Variants in HSD17B12 observed in about 807,000 individuals in gnomAD.
HSD17B12 encodes hydroxysteroid 17-beta dehydrogenase 12, also known as very-long-chain 3-oxoacyl-CoA reductase.
In HSD17B12, 32 loss-of-function variants were observed where a neutral mutation model predicts 39.3. The ratio of observed to expected loss-of-function variants is 0.81; its 90% CI spans 0.61 to 1.09. The LOEUF (loss-of-function observed/expected upper bound fraction) is 1.09. Among genes scored for constraint, HSD17B12 ranks in the 50% least tolerant of loss-of-function variants. The probability of loss-of-function intolerance (pLI) is 0.00; values close to 1 mark genes in which losing one functional copy is unlikely to be tolerated. For missense variants in HSD17B12, 342 were observed against 382.9 expected, an observed-to-expected ratio of 0.89 and a Z score of 0.89; for synonymous variants, 150 against 146.7, an observed-to-expected ratio of 1.02 and a Z score of -0.16.
intron 9 of HSD17B12, among the ~76,000 whole-genome samples, chr11:43,842,862 CT>C (rs1004617950): frequency 2.0e-5 from 3 of 152,188 alleles, no homozygotes; most frequent in African/African-American, 7.2e-5. Flanking sequence ...AGCATTAGGC[CT>C]TGTGAACAGA....
chr11:43,606,003 G>A, the HSD17B12 span, among the ~76,000 whole-genome samples: 1 of 152,174 alleles, frequency 6.6e-6, no homozygotes, highest in African/African-American at 2.4e-5. Flanking sequence ...GCAACACAGA[G>A]CAAAGAACTC....
intron 3 of HSD17B12, among the ~76,000 whole-genome samples, chr11:43,766,790 G>A (rs1279694530): frequency 6.6e-6 from 1 of 152,146 alleles, no homozygotes; most frequent in Non-Finnish European, 1.5e-5. Flanking sequence ...TTTAGCTTAT[G>A]GTCCAATTTT....
the HSD17B12 span, among the ~76,000 whole-genome samples, chr11:43,594,165 A>T: frequency 1.1e-4 from 17 of 152,330 alleles, no homozygotes; most frequent in South Asian, 2.1e-4. Context: ...ACTTTTTAAA[A>T]TCTTAATTAC....
At chr11:43,811,872 C>T (rs1045598642) in intron 4 of HSD17B12, among the ~76,000 whole-genome samples, 7 of 152,048 alleles carry the variant, frequency 4.6e-5, no homozygotes, top group Admixed American at 1.3e-4. Flanking sequence ...CCTCACCCAC[C>T]CACACACACC....
Position 43,840,756 on chromosome 11 carries a change from T to G in HSD17B12, c.684+692T>G, listed in dbSNP as rs1464477320. Among the ~76,000 whole-genome samples the G allele has an allele frequency of 3.9e-5, 6 of 152,238 alleles. No homozygotes were observed. The East Asian group carries it at 1.2e-3, about 29-fold the overall frequency. On this transcript the variant is annotated intron_variant, in intron 9 of 10. Transcript: ENST00000278353. ...ATGCCATTGTATATAGACCACATTTTGCTTATCCATTTACATGTTAGTGGG... is the reference window on the plus strand; with the variant it reads ...ATGCCATTGTATATAGACCACATTTGGCTTATCCATTTACATGTTAGTGGG...
the HSD17B12 span, among the ~76,000 whole-genome samples, chr11:43,624,020 A>G: frequency 6.6e-6 from 1 of 151,944 alleles, no homozygotes; most frequent in Non-Finnish European, 1.5e-5. Flanking sequence ...TGCAAATTGA[A>G]CTGAAGAGTT....
the HSD17B12 span, among the ~76,000 whole-genome samples, chr11:43,621,194 T>C: frequency 6.6e-6 from 1 of 152,182 alleles, no homozygotes; most frequent in African/African-American, 2.4e-5. Context: ...TGACATGCTT[T>C]TTCCTAGTTC....
chr11:43,771,840 C>A (rs190501824), intron 3 of HSD17B12, among the ~76,000 whole-genome samples: 19 of 152,066 alleles, frequency 1.2e-4, no homozygotes, highest in African/African-American at 4.6e-4. Flanking sequence ...ACTGAGATAC[C>A]GAGTACATTT....
intron 1 of HSD17B12, among the ~76,000 whole-genome samples, chr11:43,744,427 G>A (rs1007612179): frequency 5.9e-5 from 9 of 152,172 alleles, no homozygotes; most frequent in African/African-American, 2.2e-4. Flanking sequence ...TGATACTTGC[G>A]TTAGAAGACA....
chr11:43,735,869 GGAGA>G (rs1244541470), intron 1 of HSD17B12, among the ~76,000 whole-genome samples: 1 of 152,148 alleles, frequency 6.6e-6, no homozygotes, highest in Non-Finnish European at 1.5e-5. Flanking sequence ...CCTGGTGGCA[GGAGA>G]GAGAGATCGA....
In HSD17B12 at chr11:43,854,833, G is replaced by A. The variant is rs778345164; in HGVS notation, c.803G>A (p.Arg268Gln). 5.1e-5 allele frequency: 83 copies of A among 1,613,998 alleles called. No individual in the cohort carries two copies. Among genetic ancestry groups the A allele is most frequent in the Non-Finnish European group, 6.8e-5 (80 of 1,180,002 alleles). Residue 268 changes from arginine (R) to glutamine (Q), a missense_variant, in exon 10 of 11, where the codon CGA (arginine) becomes CAA (glutamine). Coordinates refer to ENST00000278353, the MANE Select transcript of HSD17B12 (RefSeq NM_016142.3). ...ATTAAAACAGTCGGCCTGCAATCCC[G>A]AACCAATGGATACCTGATCCATGCT... is the stretch of plus-strand genomic sequence containing the variant. Reference protein sequence around the residue: ...SAIKTVGLQSRTNGYLIHALM... With the variant: ...SAIKTVGLQSQTNGYLIHALM...
the HSD17B12 span, among the ~76,000 whole-genome samples, chr11:43,639,700 T>C: frequency 3.3e-5 from 5 of 152,158 alleles, no homozygotes; most frequent in Non-Finnish European, 5.9e-5. Context: ...AAAACTAGCT[T>C]AGGAAACCAA....
At chr11:43,690,381 TATATATATATATATATATATA>T (rs1280865197) in intron 1 of HSD17B12, among the ~76,000 whole-genome samples, 10 of 13,826 alleles carry the variant, frequency 7.2e-4, no homozygotes, top group African/African-American at 1.9e-3. Flanking sequence ...TATATATATA[TATATATATATATATATATATA>T]TATTTTTTTT....
At chr11:43,850,946 A>C (rs1195592005) in intron 9 of HSD17B12, among the ~76,000 whole-genome samples, 4 of 152,188 alleles carry the variant, frequency 2.6e-5, no homozygotes, top group Non-Finnish European at 4.4e-5. Context: ...CTGTAATCGC[A>C]GCTACTCAGG....
At chr11:43,582,427 TCAGGC>T in the HSD17B12 span, among the ~76,000 whole-genome samples, 1 of 152,082 alleles carries the variant, frequency 6.6e-6, no homozygotes, top group Admixed American at 6.5e-5. Flanking sequence ...GTGGCACAAA[TCAGGC>T]CTTCACCACG....
At chr11:43,681,172 C>T (rs1248751842) in intron 1 of HSD17B12, 185 bp downstream of exon 1, 3 of 1,399,886 alleles carry the variant, frequency 2.1e-6, no homozygotes, top group South Asian at 1.6e-5. Context: ...AGACTACTTG[C>T]AGAGTTTTAA....
intron 1 of HSD17B12, among the ~76,000 whole-genome samples, chr11:43,726,096 A>G (rs1950217808): frequency 6.6e-6 from 1 of 152,216 alleles, no homozygotes; most frequent in Non-Finnish European, 1.5e-5. Context: ...AATACTAATG[A>G]TAATAAAAGC....
chr11:43,767,013 T>G (rs984448535), intron 3 of HSD17B12, among the ~76,000 whole-genome samples: 2 of 152,216 alleles, frequency 1.3e-5, no homozygotes, highest in African/African-American at 2.4e-5. Flanking sequence ...CATGTGTTGG[T>G]CTGCATCTCC....
At chr11:43,776,610 T>A (rs995424564) in intron 3 of HSD17B12, among the ~76,000 whole-genome samples, 18 of 152,252 alleles carry the variant, frequency 1.2e-4, no homozygotes, top group Non-Finnish European at 1.8e-4. Flanking sequence ...TTTAGTTTAA[T>A]TAGATCCTAT....
Sources: allele counts gnomAD v4.1 joint callset (sites outside exome capture counted in the v4.1 genomes callset), GRCh38; gene constraint gnomAD v4.1.1; transcripts MANE v1.5; gene names NCBI Gene and HGNC (gene_info 2026-07-23, HGNC 2026-07-21).